LRP2: variants seen among roughly 807,000 people sequenced by gnomAD.
The protein encoded by LRP2 is low-density lipoprotein receptor-related protein 2.
Under a neutral mutation model 531.0 loss-of-function variants are expected in LRP2, and 172 were observed. The ratio of observed to expected loss-of-function variants is 0.32; its 90% CI spans 0.29 to 0.37. The LOEUF (loss-of-function observed/expected upper bound fraction) is 0.37, where lower values mean the gene tolerates loss of function less well. LRP2 is among the 10% of genes least tolerant of loss of function. LRP2 has a pLI of 1.00. For missense variants in LRP2, 5,167 were observed against 5,868.3 expected, an observed-to-expected ratio of 0.88 and a Z score of 3.90; for synonymous variants, 1,992 against 2,027.6, an observed-to-expected ratio of 0.98 and a Z score of 0.47.
At chr2:169,270,719 C>T (rs980649235) in intron 16 of LRP2, among the ~76,000 whole-genome samples, 185 bp downstream of exon 16, 1 of 150,294 alleles carries the variant, frequency 6.7e-6, no homozygotes, top group Non-Finnish European at 1.5e-5. Context: ...CAAACCTGCA[C>T]GTTGTGCACA....
At position 169,162,574 on chromosome 2, in the gene LRP2, T is replaced by C. The variant is rs1184778182; in HGVS notation, c.11785A>G (p.Thr3929Ala). ...TTGCCACACTTATATTCATATTCTG[T>C]ACAAGGTTTAGGGGTCGGTTTTCTA... The part of the protein sequence containing the change: ...HCRKPTPKPC[T>A]EYEYKCGNGH... The change falls in exon 63 of 79, where the codon ACA becomes GCA. Residue 3929 changes from threonine to alanine, a missense_variant. This residue lies in a region of LRP2 where 564 missense variants were observed against 747.7 expected (regional missense o/e 0.75). Transcript: ENST00000649046. 1 of 1,614,082 alleles carries C rather than the reference T, an allele frequency of 6.2e-7. No individual in the cohort carries two copies. The highest frequency in any genetic ancestry group is 8.5e-7 in the Non-Finnish European group (1 of 1,180,022).
intron 71 of LRP2, 112 bp from the exon 72 acceptor site, chr2:169,140,657 G>C: frequency 1.4e-6 from 1 of 725,232 alleles, no homozygotes; most frequent in South Asian, 1.6e-5. Flanking sequence ...CAGCCAATTA[G>C]TCTCCCTGTC....
At chr2:169,214,230 T>G (rs1268418187) in intron 35 of LRP2, among the ~76,000 whole-genome samples, 2 of 152,186 alleles carry the variant, frequency 1.3e-5, no homozygotes, top group Non-Finnish European at 2.9e-5. Flanking sequence ...TGACTCACCC[T>G]GAGTTTAACA....
At chr2:169,183,305 T>C (rs866557818) in intron 50 of LRP2, among the ~76,000 whole-genome samples, 6 of 152,334 alleles carry the variant, frequency 3.9e-5, no homozygotes, top group Middle Eastern at 3.4e-3. Flanking sequence ...TATCCATATA[T>C]GTACAAGTCT....
chr2:169,335,473 T>C (rs1341041132), intron 1 of LRP2, among the ~76,000 whole-genome samples: 1 of 152,156 alleles, frequency 6.6e-6, no homozygotes, highest in African/African-American at 2.4e-5. Flanking sequence ...ATTAAGGACA[T>C]AAAGAAATTG....
intron 37 of LRP2, among the ~76,000 whole-genome samples, chr2:169,210,388 AGC>A (rs1240969573): frequency 6.6e-6 from 1 of 152,242 alleles, no homozygotes; most frequent in Non-Finnish European, 1.5e-5. Context: ...TGCCACTAAG[AGC>A]AGGGCAAGCT....
At position 169,245,071 on chromosome 2, in the gene LRP2, C is replaced by A; in HGVS notation, c.3191-139G>T. The A allele has an allele frequency of 4.4e-6, 4 of 915,560 alleles. No homozygotes were observed. The Admixed American group carries it at 5.9e-5, about 14-fold the overall frequency. The allele number at this position is 915,560 out of a possible 1,614,324, so 56.7% of individuals were successfully genotyped here. On this transcript the variant is annotated intron_variant, in intron 21 of 78. Transcript: ENST00000649046. ...AGGAGAAATGTTCATCAAGTGATGT[C>A]ATCATCACTAACATCATTATTGGCT...
chr2:169,338,354 AAG>A (rs1491586600), intron 1 of LRP2, among the ~76,000 whole-genome samples: 3 of 121,460 alleles, frequency 2.5e-5, no homozygotes, highest in African/African-American at 9.8e-5. Flanking sequence ...GAAGGAAAGA[AAG>A]AAGGAAAGAA....
At chr2:169,306,394 C>T (rs113462565) in intron 4 of LRP2, among the ~76,000 whole-genome samples, 9,473 of 152,040 alleles carry the variant, frequency 0.062, 460 homozygotes, top group Non-Finnish European at 0.094. Context: ...ATTAGTCGGG[C>T]GTGGTGGCGC....
In LRP2 at chr2:169,257,207, C is replaced by T; in HGVS notation, c.2556G>A (p.Met852Ile). ...GGTGAGATCCGTCACTCCATGCTCT[C>T]ATAATTTTAGCAGGACGGAACCAAT... is the stretch of plus-strand genomic sequence containing the variant. The part of the protein sequence containing the change: ...FTDWFRPAKI[M>I]RAWSDGSHLL... The change falls in exon 18 of 79, where the codon ATG becomes ATA. Residue 852 changes from methionine (M) to isoleucine (I), a missense_variant. This residue lies in a region of LRP2 where 2,811 missense variants were observed against 3,058.0 expected (regional missense o/e 0.92). Coordinates refer to ENST00000649046, the MANE Select transcript of LRP2 (RefSeq NM_004525.3). 1 of 1,612,910 alleles carries T rather than the reference C, an allele frequency of 6.2e-7. No individual in the cohort carries two copies. The highest frequency in any genetic ancestry group is 8.5e-7 in the Non-Finnish European group (1 of 1,179,204).
intron 43 of LRP2, 83 bp downstream of exon 43, chr2:169,202,673 T>A: frequency 7.2e-7 from 1 of 1,396,338 alleles, no homozygotes; most frequent in Non-Finnish European, 1.0e-6. Context: ...TCAAACACAT[T>A]CACACATAGC....
Position 169,144,160 on chromosome 2 carries a change from C to T in LRP2, c.12989-1367G>A, listed in dbSNP as rs934843961. Among the ~76,000 whole-genome samples, 16 of 152,306 alleles carry T rather than the reference C, an allele frequency of 1.1e-4. No homozygotes were observed. In the East Asian group the frequency reaches 2.7e-3, roughly 26 times the overall value. On this transcript the variant is annotated intron_variant, in intron 70 of 78. Transcript: ENST00000649046. ...TCTGAGTAGCAAGGGACTGGAGCAG[C>T]GGTTCTCAAAATGTGGTCACTGAAC...
chr2:169,299,539 A>T (rs956578839), intron 4 of LRP2, among the ~76,000 whole-genome samples: 3 of 77,478 alleles, frequency 3.9e-5, no homozygotes, highest in African/African-American at 5.2e-5. Flanking sequence ...TAAATTCCTT[A>T]AAAAAAAAAA....
chr2:169,181,567 G>A lies in LRP2; in HGVS notation c.10050C>T (p.Gly3350=). ...TCACAGACTTGTTGGTTCCATCCAT[G>A]CCTACTCTCCCAATGTATGCGCGGT... ...WGHRAYIGRV[G]MDGTNKSVII... is the part of the protein sequence containing the mutation. Residue 3350 remains glycine, a synonymous_variant, in exon 52 of 79, where the codon GGC becomes GGT. Coordinates refer to ENST00000649046, the MANE Select transcript of LRP2 (RefSeq NM_004525.3). 6.2e-7 allele frequency: 1 copy of A among 1,614,150 alleles called. No individual in the cohort carries two copies. The highest frequency in any genetic ancestry group is 1.1e-5 in the South Asian group (1 of 91,084).
intron 3 of LRP2, among the ~76,000 whole-genome samples, chr2:169,309,243 CA>C (rs1275811020): frequency 1.3e-5 from 2 of 152,274 alleles, no homozygotes; most frequent in Non-Finnish European, 2.9e-5. Flanking sequence ...TCCCATTTAT[CA>C]ATTTTGGCTT....
chr2:169,277,670 G>C (rs1308666245), intron 13 of LRP2, 75 bp downstream of exon 13: 4 of 1,307,032 alleles, frequency 3.1e-6, no homozygotes, highest in Non-Finnish European at 4.4e-6. Context: ...CTGGTCCTTT[G>C]ATATTTCTCT....
chr2:169,199,891 G>T (rs1473260083), intron 44 of LRP2, among the ~76,000 whole-genome samples: 1 of 152,158 alleles, frequency 6.6e-6, no homozygotes, highest in Non-Finnish European at 1.5e-5. Context: ...CATAAGAAGA[G>T]ATGTCATTAT....
intron 16 of LRP2, among the ~76,000 whole-genome samples, chr2:169,263,312 C>T (rs552674159): frequency 2.0e-5 from 3 of 152,052 alleles, no homozygotes; most frequent in Middle Eastern, 3.4e-3. Context: ...ACAGGCAACC[C>T]ACAAAATGGG....
At chr2:169,179,301 C>T (rs1340288254) in intron 52 of LRP2, among the ~76,000 whole-genome samples, 3 of 152,288 alleles carry the variant, frequency 2.0e-5, no homozygotes, top group African/African-American at 4.8e-5. Flanking sequence ...GCCACTGCAC[C>T]TAGCCACCAT....
Sources: allele counts gnomAD v4.1 joint callset (sites outside exome capture counted in the v4.1 genomes callset), GRCh38; gene constraint gnomAD v4.1.1; regional missense constraint gnomAD v4.1.1; transcripts MANE v1.5; gene names NCBI Gene and HGNC (gene_info 2026-07-23, HGNC 2026-07-21).